LCTL: variants seen among roughly 807,000 people sequenced by gnomAD.
LCTL encodes the protein lactase-like protein.
Under a neutral mutation model 75.8 loss-of-function variants are expected in LCTL, and 76 were observed. The observed-to-expected ratio is 1.00, with a 90% CI of 0.83 to 1.21. The LOEUF is 1.21. Ranked by LOEUF, LCTL falls within the 50% of genes most tolerant of loss-of-function variation. The probability of loss-of-function intolerance (pLI) is 0.00; values close to 1 mark genes in which losing one functional copy is unlikely to be tolerated. For synonymous variants in LCTL, 271 were observed against 268.8 expected (o/e 1.01, Z -0.08); for missense variants, 670 against 712.4 (o/e 0.94, Z 0.68).
chr15:66,549,001 G>A (rs1217082723), intron 12 of LCTL: 1 of 156,116 alleles, frequency 6.4e-6, no homozygotes, highest in African/African-American at 2.4e-5. Flanking sequence ...AAATATTATT[G>A]TGTATCTTAA....
At chr15:66,556,823 C>A (rs938189015) in intron 8 of LCTL, among the ~76,000 whole-genome samples, 1 of 152,046 alleles carries the variant, frequency 6.6e-6, no homozygotes, top group African/African-American at 2.4e-5. Flanking sequence ...ATGAAGCGTT[C>A]TGGAGATGGA....
At chr15:66,553,057 T>C in exon 9 of LCTL, 1 of 1,601,902 alleles carries the variant, frequency 6.2e-7, no homozygotes, top group Non-Finnish European at 8.5e-7. Context: ...ATCTGGCCAG[T>C]TTGGGTCAAC....
chr15:66,552,137 C>T, exon 10 of LCTL: 1 of 1,613,418 alleles, frequency 6.2e-7, no homozygotes, highest in African/African-American at 1.3e-5. Flanking sequence ...CTCCATTTTC[C>T]ATCACATATA....
intron 11 of LCTL, among the ~76,000 whole-genome samples, chr15:66,550,331 TC>T (rs1457678650): frequency 6.6e-6 from 1 of 152,238 alleles, no homozygotes; most frequent in Non-Finnish European, 1.5e-5. Context: ...GAGTGTACAC[TC>T]TAGTGCTTTT....
intron 8 of LCTL, among the ~76,000 whole-genome samples, chr15:66,555,824 A>G (rs1040732407): frequency 6.6e-6 from 1 of 152,230 alleles, no homozygotes; most frequent in Non-Finnish European, 1.5e-5. Context: ...CTCAACAACA[A>G]AAACAACCCA....
At chr15:66,551,971 T>C in intron 10 of LCTL, 72 bp downstream of exon 11, 2 of 1,561,026 alleles carry the variant, frequency 1.3e-6, no homozygotes, top group South Asian at 1.2e-5. Context: ...CAAGTTTCAG[T>C]TGATTGTGTG....
chr15:66,559,825 G>A (rs1258343838), intron 6 of LCTL, among the ~76,000 whole-genome samples: 4 of 152,154 alleles, frequency 2.6e-5, no homozygotes, highest in African/African-American at 4.8e-5. Context: ...TATGGCGCAT[G>A]CCTACAATCT....
At chr15:66,560,908 C>T (rs970293852) in intron 6 of LCTL, 98 bp downstream of exon 7, 9 of 1,015,400 alleles carry the variant, frequency 8.9e-6, no homozygotes, top group South Asian at 2.8e-5. Flanking sequence ...TATGCTGACT[C>T]GGAGGTGGAG....
At position 66,564,535 on chromosome 15, in the gene LCTL, G is replaced by T. The variant is rs1595712486; in HGVS notation, c.282+141C>A. 3.1e-6 allele frequency: 3 copies of T among 980,892 alleles called. No individual in the cohort carries two copies. In the East Asian group the frequency reaches 8.1e-5, roughly 26 times the overall value. 60.8% of individuals were successfully genotyped at this position (980,892 alleles called of 1,614,324 possible). ...GCCCTGCCCCCTCTGGCTGCACTGG[G>T]GTAGAGGGTGTTTGGCAGAGCATGG... is the stretch of plus-strand genomic sequence containing the variant. On this transcript the variant is annotated intron_variant, in intron 2 of 12. Transcript: ENST00000341509.
At chr15:66,548,877 T>TA (rs1895485776) in intron 12 of LCTL, 2 of 198,868 alleles carry the variant, frequency 1.0e-5, no homozygotes, top group Non-Finnish European at 2.0e-5. Flanking sequence ...TCTCAATACT[T>TA]ATACTTTCTA....
intron 2 of LCTL, 108 bp downstream of exon 3, chr15:66,564,568 A>G (rs2140855487): frequency 3.1e-6 from 4 of 1,274,498 alleles, no homozygotes; most frequent in Non-Finnish European, 4.3e-6. Flanking sequence ...TGGGGATGAC[A>G]TTGTCATCAG....
intron 2 of LCTL, chr15:66,564,345 G>C (rs545461897): frequency 7.4e-5 from 35 of 471,638 alleles, no homozygotes; most frequent in Non-Finnish European, 1.3e-4. Flanking sequence ...GACAAGCAGG[G>C]ACCAGGGGTT....
chr15:66,562,154 G>A lies in LCTL; in HGVS notation c.481-839C>T, dbSNP rs535207577. ...GCAGTGGCTCACGCCTGTAATCCTAGCACTTTGGGAGGCCGAGGCAGCTGG... is the reference window on the plus strand; with the variant it reads ...GCAGTGGCTCACGCCTGTAATCCTAACACTTTGGGAGGCCGAGGCAGCTGG... On this transcript the variant is annotated intron_variant, in intron 4 of 12. Transcript: ENST00000341509. Among the ~76,000 whole-genome samples the A allele has an allele frequency of 2.6e-4, 39 of 152,276 alleles. 1 individual carries two copies. Among genetic ancestry groups the A allele is most frequent in the Admixed American group, 9.8e-4 (15 of 15,290 alleles).
At chr15:66,553,338 A>C (rs942570277) in intron 8 of LCTL, 80 bp from the exon 10 acceptor site, 1 of 1,173,524 alleles carries the variant, frequency 8.5e-7, no homozygotes, top group Admixed American at 2.8e-5. Context: ...CGATAGTGAC[A>C]TCTTGACATA....
Position 66,558,624 on chromosome 15 carries a change from C to T in LCTL, c.706-588G>A, listed in dbSNP as rs180928608. Among the ~76,000 whole-genome samples the T allele has an allele frequency of 2.0e-5, 3 of 151,686 alleles. No individual in the cohort carries two copies. In the East Asian group the frequency reaches 5.8e-4, roughly 29 times the overall value. ...GCAAATCCATGGGCCCTTGCCAGAC[C>T]TACTGAATCAGAAACTCAAAGCGGG... On this transcript the variant is annotated intron_variant, in intron 6 of 12. Coordinates refer to ENST00000341509, the Ensembl canonical transcript of LCTL.
At chr15:66,550,056 G>T in exon 12 of LCTL, 1 of 1,604,032 alleles carries the variant, frequency 6.2e-7, no homozygotes, top group Non-Finnish European at 8.5e-7. Flanking sequence ...GCAAGCATCT[G>T]ATTGTTGATA....
At chr15:66,563,250 A>G (rs531523621) in intron 4 of LCTL, among the ~76,000 whole-genome samples, 1 of 152,328 alleles carries the variant, frequency 6.6e-6, no homozygotes, top group South Asian at 2.1e-4. Flanking sequence ...CAGTGTCTTG[A>G]TCTTGGACTT....
At chr15:66,549,928 A>G in intron 12 of LCTL, 113 bp downstream of exon 13, 1 of 590,232 alleles carries the variant, frequency 1.7e-6, no homozygotes. Flanking sequence ...TTTAATCATA[A>G]GTAGTTTTGG....
exon 9 of LCTL, chr15:66,553,088 C>G (rs1895650914): frequency 6.2e-7 from 1 of 1,610,024 alleles, no homozygotes; most frequent in African/African-American, 1.3e-5. Context: ...AAGTCACGAT[C>G]GTTCTGGTAG....
Sources: allele counts gnomAD v4.1 joint callset (sites outside exome capture counted in the v4.1 genomes callset), GRCh38; gene constraint gnomAD v4.1.1; transcripts MANE v1.5; gene names NCBI Gene and HGNC (gene_info 2026-07-23, HGNC 2026-07-21).